Variants in PHF21B observed in about 807,000 individuals in gnomAD.
PHF21B encodes the protein PHD finger protein 4.
In PHF21B, 22 loss-of-function variants were observed where a neutral mutation model predicts 62.2. The ratio of observed to expected loss-of-function variants is 0.35; its 90% CI spans 0.25 to 0.51. The LOEUF is 0.51. Ranked by LOEUF, PHF21B falls within the 20% of genes least tolerant of loss-of-function variation. PHF21B has a pLI of 0.97. For synonymous variants in PHF21B, 341 were observed against 314.7 expected, an observed-to-expected ratio of 1.08 and a Z score of -0.88; for missense variants, 701 against 707.9, an observed-to-expected ratio of 0.99 and a Z score of 0.11.
chr22:44,885,747 C>G (rs1324201725), intron 11 of PHF21B, 116 bp downstream of exon 11: 2 of 1,181,932 alleles, frequency 1.7e-6, no homozygotes, highest in Non-Finnish European at 2.4e-6. Flanking sequence ...TTTCAGTGCT[C>G]TGGCCCTGAA....
chr22:44,896,137 T>C, intron 5 of PHF21B, 54 bp from the exon 6 acceptor site: 3 of 1,598,548 alleles, frequency 1.9e-6, no homozygotes, highest in Middle Eastern at 1.7e-4. Context: ...AGTTCATTCA[T>C]GCACTCAACA....
chr22:44,887,848 G>A (rs1181330669), intron 10 of PHF21B, 115 bp downstream of exon 10: 3 of 1,163,022 alleles, frequency 2.6e-6, no homozygotes, highest in Middle Eastern at 3.2e-4. Flanking sequence ...TGCTGAGGTT[G>A]AAAAAGCCTT....
chr22:44,885,944 G>A lies in PHF21B; in HGVS notation c.1198-6C>T. On this transcript the variant is annotated splice_region_variant and splice_polypyrimidine_tract_variant and intron_variant, in intron 10 of 12. Coordinates refer to ENST00000313237, the MANE Select transcript of PHF21B (RefSeq NM_138415.5). ...CCCTCGTCTTTCTTTAAGGCCTGGG[G>A]AGCAGACGGGGAGATGAAAAAGTGG... is the stretch of plus-strand genomic sequence containing the variant. 2 of 1,613,796 alleles carry A rather than the reference G, an allele frequency of 1.2e-6. No individual in the cohort carries two copies. Among genetic ancestry groups the A allele is most frequent in the Non-Finnish European group, 1.7e-6 (2 of 1,179,874 alleles).
intron 2 of PHF21B, among the ~76,000 whole-genome samples, chr22:44,967,996 G>A (rs1004523855): frequency 3.3e-5 from 5 of 152,156 alleles, no homozygotes; most frequent in South Asian, 2.1e-4. Flanking sequence ...TTTCCATCAC[G>A]TATCAAGAGC....
At chr22:44,987,020 G>A (rs1330396917) in intron 2 of PHF21B, among the ~76,000 whole-genome samples, 1 of 152,222 alleles carries the variant, frequency 6.6e-6, no homozygotes, top group Non-Finnish European at 1.5e-5. Flanking sequence ...CCTCGAGAGA[G>A]GCTAAGAAGA....
At chr22:44,962,778 G>A (rs1234228730) in intron 2 of PHF21B, among the ~76,000 whole-genome samples, 3 of 152,272 alleles carry the variant, frequency 2.0e-5, no homozygotes, top group South Asian at 4.2e-4. Context: ...GTGCCTCACG[G>A]AACGGTGGGG....
intron 3 of PHF21B, among the ~76,000 whole-genome samples, chr22:44,917,612 G>T (rs2071461732): frequency 6.6e-6 from 1 of 152,218 alleles, no homozygotes; most frequent in South Asian, 2.1e-4. Flanking sequence ...ATCCTGGCCT[G>T]TTCTACAGAT....
chr22:44,903,600 C>T (rs1458810408), intron 5 of PHF21B, among the ~76,000 whole-genome samples: 2 of 152,196 alleles, frequency 1.3e-5, no homozygotes, highest in African/African-American at 4.8e-5. Context: ...TGGCTTCATT[C>T]TGATAGACGT....
At chr22:44,892,347 T>C (rs576308913) in intron 7 of PHF21B, among the ~76,000 whole-genome samples, 3 of 152,312 alleles carry the variant, frequency 2.0e-5, no homozygotes, top group Admixed American at 1.3e-4. Flanking sequence ...AGGAAAGGCG[T>C]GGACAGGCTG....
At position 45,009,132 on chromosome 22, in the gene PHF21B, G is replaced by T. The variant is rs2073379927; in HGVS notation, c.54+364C>A. ...CACCGGGCAGGTTCGCCCGGGGCGC[G>T]GGGGCCCGAGGGGAGGCCGGAAGGG... On this transcript the variant is annotated intron_variant, in intron 1 of 12. Transcript: ENST00000313237. The surrounding 1 kb of genome is among the most constrained non-coding windows in gnomAD (Gnocchi z 5.9). 2.9e-6 allele frequency: 2 copies of T among 690,218 alleles called. No individual in the cohort carries two copies. Among genetic ancestry groups the T allele is most frequent in the South Asian group, 1.2e-4 (2 of 16,930 alleles). 42.8% of individuals were successfully genotyped at this position (690,218 alleles called of 1,614,324 possible).
In PHF21B at chr22:44,994,960, G is replaced by A. The variant is rs569613863; in HGVS notation, c.120+13585C>T. ...ATCTGAACTCACAGCAGCTCAGGCCGAGAGGCCGCCCACCGCCCACCCCTC... is the reference window on the plus strand; with the variant it reads ...ATCTGAACTCACAGCAGCTCAGGCCAAGAGGCCGCCCACCGCCCACCCCTC... On this transcript the variant is annotated intron_variant, in intron 2 of 12. Coordinates refer to ENST00000313237, the MANE Select transcript of PHF21B (RefSeq NM_138415.5). Among the ~76,000 whole-genome samples the A allele has an allele frequency of 3.9e-5, 6 of 152,358 alleles. No homozygotes were observed. The South Asian group carries it at 8.3e-4, about 21-fold the overall frequency.
At chr22:44,906,074 C>G (rs1185826481) in intron 5 of PHF21B, among the ~76,000 whole-genome samples, 1 of 152,134 alleles carries the variant, frequency 6.6e-6, no homozygotes, top group Non-Finnish European at 1.5e-5. Flanking sequence ...GTGTGAGCTG[C>G]CCACCCTCAG....
chr22:44,998,844 G>A (rs1182873783), intron 2 of PHF21B, among the ~76,000 whole-genome samples: 1 of 152,142 alleles, frequency 6.6e-6, no homozygotes, highest in Non-Finnish European at 1.5e-5. Flanking sequence ...CGCCCGGTGC[G>A]TACAATGCTC....
chr22:45,009,662 G>A lies in PHF21B; in HGVS notation c.-113C>T. The A allele has an allele frequency of 9.7e-7, 1 of 1,027,772 alleles. No homozygotes were observed. Among genetic ancestry groups the A allele is most frequent in the Non-Finnish European group, 1.3e-6 (1 of 753,586 alleles). The allele number at this position is 1,027,772 out of a possible 1,614,324, so 63.7% of individuals were successfully genotyped here. On this transcript the variant is annotated 5_prime_UTR_variant, in exon 1 of 13. Transcript: ENST00000313237. This position sits in a 1 kb window ranked among gnomAD's most constrained non-coding sequence, Gnocchi z 5.9. ...GCGGACGCGGCCTCCGGGCTGGGTTGGGGGGGACACGAGCCCCCTCCCCCA... is the reference window on the plus strand; with the variant it reads ...GCGGACGCGGCCTCCGGGCTGGGTTAGGGGGGACACGAGCCCCCTCCCCCA...
Position 45,009,473 on chromosome 22 carries a change from G to T in PHF21B, c.54+23C>A. 1 of 1,528,590 alleles carries T rather than the reference G, an allele frequency of 6.5e-7. No individual in the cohort carries two copies. Among genetic ancestry groups the T allele is most frequent in the Non-Finnish European group, 8.7e-7 (1 of 1,144,332 alleles). The allele number at this position is 1,528,590 out of a possible 1,614,324, so 94.7% of individuals were successfully genotyped here. A position where few individuals can be genotyped will look rare whatever the true frequency, so the allele number is the denominator to read the frequency against. ...ACCCCGCAACACACTCCCCGGCCCC[G>T]GGCCCGGCCCCCGGCCACCTACCTG... On this transcript the variant is annotated intron_variant, in intron 1 of 12. Coordinates refer to ENST00000313237, the MANE Select transcript of PHF21B (RefSeq NM_138415.5). The surrounding 1 kb of genome is among the most constrained non-coding windows in gnomAD (Gnocchi z 5.9).
intron 2 of PHF21B, among the ~76,000 whole-genome samples, chr22:44,921,511 C>T (rs9614589): frequency 0.33 from 50,476 of 150,944 alleles, 9,628 homozygotes; most frequent in Non-Finnish European, 0.43. Context: ...GAACTACAGG[C>T]GCTGCCACCA....
At chr22:44,918,506 C>A (rs116415876) in intron 3 of PHF21B, among the ~76,000 whole-genome samples, 3,215 of 152,298 alleles carry the variant, frequency 0.021, 133 homozygotes, top group African/African-American at 0.074. Context: ...TGTATGCAGC[C>A]CCAGGCCGGG....
chr22:44,992,403 C>G (rs1209194646), intron 2 of PHF21B, among the ~76,000 whole-genome samples: 2 of 152,244 alleles, frequency 1.3e-5, no homozygotes, highest in Non-Finnish European at 2.9e-5. Context: ...AGACTGGTGT[C>G]AGGGCTACCT....
chr22:44,897,594 A>C (rs1334253161), intron 5 of PHF21B, among the ~76,000 whole-genome samples: 1 of 152,130 alleles, frequency 6.6e-6, no homozygotes, highest in Non-Finnish European at 1.5e-5. Context: ...CTGTGAGTCA[A>C]TATTTCCTTG....
Sources: gnomAD v4.1 joint callset for allele counts (sites outside exome capture counted in the v4.1 genomes callset) on GRCh38, gnomAD v4.1.1 for gene constraint, Gnocchi (gnomAD v3.1) non-coding constraint, MANE v1.5 for transcripts, NCBI Gene and HGNC (gene_info 2026-07-23, HGNC 2026-07-21) for gene names.